Variants in PCLO observed in about 807,000 individuals in gnomAD.
PCLO encodes the protein piccolo presynaptic cytomatrix protein.
In PCLO, 82 loss-of-function variants were observed where a neutral mutation model predicts 427.5. The ratio of observed to expected loss-of-function variants is 0.19; its 90% confidence interval spans 0.16 to 0.23. PCLO has a LOEUF of 0.23. Ranked by LOEUF, PCLO falls within the 10% of genes least tolerant of loss-of-function variation. PCLO has a pLI of 1.00. For synonymous variants in PCLO, 2,357 were observed against 2,155.4 expected (o/e 1.09, Z -2.59); for missense variants, 6,239 against 6,115.9 (o/e 1.02, Z -0.67).
chr7:82,768,874 GCTAT>G (rs757889782), intron 22 of PCLO, among the ~76,000 whole-genome samples: 4 of 151,966 alleles, frequency 2.6e-5, no homozygotes, highest in Non-Finnish European at 4.4e-5. Context: ...TCTATCTCTA[GCTAT>G]CTAATTTGCA....
In PCLO at chr7:82,786,515, TACA is replaced by T. The variant is rs980267059; in HGVS notation, c.15007+15000_15007+15002del. On this transcript the variant is annotated intron_variant, in intron 22 of 24. Transcript: ENST00000333891. Reference sequence around the variant, plus strand: ...ATCTCCATATTATCATGTTTGCCATTACAACAATTCAACCTAGATTGATTCTAG... The same window carrying T: ...ATCTCCATATTATCATGTTTGCCATTACAATTCAACCTAGATTGATTCTAG... 1.8e-4 allele frequency among the ~76,000 whole-genome samples: 28 copies of T among 152,314 alleles called. 1 individual carries two copies. Among genetic ancestry groups the T allele is most frequent in the African/African-American group, 6.7e-4 (28 of 41,572 alleles).
intron 3 of PCLO, among the ~76,000 whole-genome samples, chr7:83,119,771 G>A (rs758481596): frequency 6.7e-6 from 1 of 149,474 alleles, no homozygotes; most frequent in Non-Finnish European, 1.5e-5. Context: ...CTGTTTTGAG[G>A]AAGCTTAACA....
chr7:83,159,888 A>T (rs942421086), intron 1 of PCLO, among the ~76,000 whole-genome samples: 6 of 152,080 alleles, frequency 3.9e-5, no homozygotes, highest in African/African-American at 1.4e-4. Flanking sequence ...TGACTAATTC[A>T]AGGTCATAAA....
intron 3 of PCLO, among the ~76,000 whole-genome samples, chr7:83,045,109 T>A (rs1299771170): frequency 6.6e-6 from 1 of 152,172 alleles, no homozygotes; most frequent in Non-Finnish European, 1.5e-5. Flanking sequence ...AAGCAAGGTA[T>A]ATCTGATGCA....
chr7:83,080,196 C>T (rs1790062451), intron 3 of PCLO, among the ~76,000 whole-genome samples: 2 of 152,070 alleles, frequency 1.3e-5, no homozygotes, highest in South Asian at 4.1e-4. Flanking sequence ...ATGCATGCAT[C>T]TTTGTAACAG....
At chr7:82,901,477 A>G (rs1794037730) in intron 9 of PCLO, among the ~76,000 whole-genome samples, 1 of 152,096 alleles carries the variant, frequency 6.6e-6, no homozygotes, top group South Asian at 2.1e-4. Context: ...TAATCCCAGC[A>G]GAAAACCTAG....
At chr7:82,814,677 C>T (rs1487513233) in intron 20 of PCLO, among the ~76,000 whole-genome samples, 1 of 151,802 alleles carries the variant, frequency 6.6e-6, no homozygotes, top group South Asian at 2.1e-4. Flanking sequence ...TCAACAAGCA[C>T]ATATTCCATT....
Position 83,158,018 on chromosome 7 carries a change from G to C in PCLO, c.249-1626C>G, listed in dbSNP as rs185491323. On this transcript the variant is annotated intron_variant, in intron 1 of 24. Coordinates refer to ENST00000333891, the MANE Select transcript of PCLO (RefSeq NM_033026.6). ...TTTGAGTACAGGTCAGGATGTAAGA[G>C]ATAGCAGAAAGACGCAAAGAAGCAT... is the stretch of plus-strand genomic sequence containing the variant. Among the ~76,000 whole-genome samples the C allele has an allele frequency of 1.5e-3, 226 of 152,144 alleles. 2 individuals carry two copies. Among genetic ancestry groups the C allele is most frequent in the African/African-American group, 5.0e-3 (208 of 41,550 alleles).
At chr7:82,797,938 A>C (rs535418106) in intron 22 of PCLO, among the ~76,000 whole-genome samples, 10 of 152,300 alleles carry the variant, frequency 6.6e-5, no homozygotes, top group African/African-American at 2.4e-4. Context: ...TTGCTTAATA[A>C]GAATAACAAG....
chr7:82,826,216 A>G (rs1188075283), intron 18 of PCLO, among the ~76,000 whole-genome samples: 2 of 152,014 alleles, frequency 1.3e-5, no homozygotes, highest in Non-Finnish European at 2.9e-5. Flanking sequence ...ATAAATAACA[A>G]TGCAATCAAT....
intron 3 of PCLO, among the ~76,000 whole-genome samples, chr7:83,126,918 T>G (rs2116587074): frequency 6.6e-6 from 1 of 152,230 alleles, no homozygotes. Context: ...AAAAAAGAGA[T>G]ACATTGTTGG....
chr7:82,976,777 T>C (rs569123059), intron 3 of PCLO, among the ~76,000 whole-genome samples: 6 of 152,354 alleles, frequency 3.9e-5, no homozygotes, highest in Non-Finnish European at 7.3e-5. Context: ...GTCAGATGAC[T>C]GGTATGTTAA....
At chr7:83,098,682 A>G (rs1790656862) in intron 3 of PCLO, among the ~76,000 whole-genome samples, 1 of 152,122 alleles carries the variant, frequency 6.6e-6, no homozygotes, top group African/African-American at 2.4e-5. Flanking sequence ...GCTCTCTATG[A>G]TCATCCTTTA....
At chr7:82,832,839 ACACACG>A (rs1019832160) in intron 16 of PCLO, among the ~76,000 whole-genome samples, 12 of 146,432 alleles carry the variant, frequency 8.2e-5, no homozygotes, top group African/African-American at 3.0e-4. Context: ...ACACACACAC[ACACACG>A]TTTTTCAAAA....
At chr7:82,872,792 T>C (rs1423053316) in intron 10 of PCLO, among the ~76,000 whole-genome samples, 1 of 152,152 alleles carries the variant, frequency 6.6e-6, no homozygotes, top group Non-Finnish European at 1.5e-5. Flanking sequence ...AACAGAATTC[T>C]ACCCAGTAGT....
In PCLO at chr7:82,967,162, T is replaced by C. The variant is rs569862071; in HGVS notation, c.3301-675A>G. ...TTGGTATCTTTTTCCCTGAGTGTCCTGATTTGCTGACTAAAACATTTTCTT... is the reference window on the plus strand; with the variant it reads ...TTGGTATCTTTTTCCCTGAGTGTCCCGATTTGCTGACTAAAACATTTTCTT... On this transcript the variant is annotated intron_variant, in intron 3 of 24. Coordinates refer to ENST00000333891, the MANE Select transcript of PCLO (RefSeq NM_033026.6). 7.2e-5 allele frequency among the ~76,000 whole-genome samples: 11 copies of C among 151,802 alleles called. No individual in the cohort carries two copies. In the East Asian group the frequency reaches 1.7e-3, roughly 24 times the overall value.
intron 3 of PCLO, among the ~76,000 whole-genome samples, chr7:82,977,414 T>G (rs1322779341): frequency 6.7e-6 from 1 of 150,228 alleles, no homozygotes; most frequent in East Asian, 1.9e-4. Context: ...ATTTATTTAT[T>G]TATTTATTTA....
Position 82,953,265 on chromosome 7 carries a change from G to T in PCLO, c.7688C>A (p.Pro2563Gln), listed in dbSNP as rs1488508493. ...KLPSPTSPLS[P>Q]HSNKSSPRFS... ...TCTTGGTGAAGACTTGTTGGAGTGT[G>T]GGGAAAGTGGGGAGGTAGGGGAAGG... Residue 2563 changes from proline to glutamine, a missense_variant, in exon 5 of 25, where the codon CCA becomes CAA. By Grantham distance (76) the Pro-to-Gln change is moderately conservative. Around this residue, in one of 5 missense-constraint regions of PCLO, gnomAD observed 4,677 missense variants for 4,468.4 expected, o/e 1.05. Coordinates refer to ENST00000333891, the MANE Select transcript of PCLO (RefSeq NM_033026.6). 9 of 1,613,750 alleles carry T rather than the reference G, an allele frequency of 5.6e-6. No homozygotes were observed. The Admixed American group carries it at 1.5e-4, about 27-fold the overall frequency.
chr7:82,846,716 T>C, intron 11 of PCLO, 82 bp from the exon 12 acceptor site: 1 of 813,754 alleles, frequency 1.2e-6, no homozygotes, highest in Non-Finnish European at 2.0e-6. Flanking sequence ...CCCTTAATTT[T>C]TTTCATAGGT....
Sources: gnomAD v4.1 joint callset for allele counts (sites outside exome capture counted in the v4.1 genomes callset) on GRCh38, gnomAD v4.1.1 for gene constraint, gnomAD v4.1.1 regional missense constraint, MANE v1.5 for transcripts, NCBI Gene and HGNC (gene_info 2026-07-23, HGNC 2026-07-21) for gene names.